The following TXNL4A variants were observed in gnomAD, a reference collection of about 807,000 sequenced individuals.
TXNL4A encodes thioredoxin like 4A.
TXNL4A carries 17 observed loss-of-function variants against 14.6 expected under a neutral mutation model. The ratio of observed to expected loss-of-function variants is 1.16; its 90% CI spans 0.80 to 1.74. The LOEUF (loss-of-function observed/expected upper bound fraction) is 1.74. TXNL4A is among the 40% of genes most tolerant of loss of function. The probability of loss-of-function intolerance (pLI) is 0.00; values close to 1 mark genes in which losing one functional copy is unlikely to be tolerated. For missense variants in TXNL4A, 74 were observed against 195.2 expected, an observed-to-expected ratio of 0.38 and a Z score of 3.70; for synonymous variants, 83 against 70.6, an observed-to-expected ratio of 1.18 and a Z score of -0.88.
At chr18:80,002,369 T>A (rs1306833583) in intron 1 of TXNL4A, among the ~76,000 whole-genome samples, 1 of 152,142 alleles carries the variant, frequency 6.6e-6, no homozygotes, top group Non-Finnish European at 1.5e-5. Flanking sequence ...CCTAGGGTGA[T>A]GGGAAAGCAG....
At chr18:80,015,158 G>A (rs916739113) in intron 1 of TXNL4A, among the ~76,000 whole-genome samples, 42 of 151,970 alleles carry the variant, frequency 2.8e-4, no homozygotes, top group African/African-American at 7.5e-4. Context: ...GACCTATGAC[G>A]TGCCCTGGAG....
At chr18:80,020,335 C>T (rs116907841) in intron 1 of TXNL4A, among the ~76,000 whole-genome samples, 2 of 152,178 alleles carry the variant, frequency 1.3e-5, no homozygotes, top group African/African-American at 4.8e-5. Flanking sequence ...TTTCCAGCAG[C>T]AAAGCTTGAT....
chr18:79,997,352 C>G (rs906340673), intron 1 of TXNL4A, among the ~76,000 whole-genome samples: 1 of 151,842 alleles, frequency 6.6e-6, no homozygotes, highest in Middle Eastern at 3.4e-3. Flanking sequence ...CCTGCACAAG[C>G]CCCTGCAACA....
At chr18:79,986,546 A>G in intron 1 of TXNL4A, 1 of 980,842 alleles carries the variant, frequency 1.0e-6, no homozygotes, top group Non-Finnish European at 1.2e-6. Flanking sequence ...TAACAAAGAA[A>G]TTGGACATAA....
At chr18:79,974,925 G>A (rs1307316047) in intron 2 of TXNL4A, among the ~76,000 whole-genome samples, 2 of 152,184 alleles carry the variant, frequency 1.3e-5, no homozygotes, top group African/African-American at 4.8e-5. Flanking sequence ...ACAAGATCAT[G>A]CATTTGGCTT....
chr18:79,992,085 G>C (rs59428552), upstream of TXNL4A, among the ~76,000 whole-genome samples: 3,045 of 152,302 alleles, frequency 0.02, 90 homozygotes, highest in African/African-American at 0.066. Flanking sequence ...GTGAGTTTCT[G>C]ATCAGCCTTT....
chr18:79,989,471 C>G (rs528460467), upstream of TXNL4A, among the ~76,000 whole-genome samples: 1 of 152,332 alleles, frequency 6.6e-6, no homozygotes, highest in African/African-American at 2.4e-5. Flanking sequence ...ATCTGGCCCC[C>G]TGGCTTCGCT....
At position 79,972,182 on chromosome 18, in the gene TXNL4A, T is replaced by C. The variant is rs2051309536; in HGVS notation, c.*1503A>G. 1.3e-5 allele frequency: 2 copies of C among 152,280 alleles called. No homozygotes were observed. Among genetic ancestry groups the C allele is most frequent in the African/African-American group, 4.8e-5 (2 of 41,474 alleles). 9.4% of individuals were successfully genotyped at this position (152,280 alleles called of 1,614,324 possible). ...ACTCCTGTGCCCGGCAGGCACCACG[T>C]GCTTCTGCGTCCACATCTGTGTGCA... On this transcript the variant is annotated 3_prime_UTR_variant, in exon 3 of 3. Transcript: ENST00000269601.
intron 1 of TXNL4A, among the ~76,000 whole-genome samples, chr18:79,978,261 A>C (rs2051410261): frequency 6.6e-6 from 1 of 152,178 alleles, no homozygotes; most frequent in Non-Finnish European, 1.5e-5. Context: ...GAACCTTTAC[A>C]AATAGTTACA....
chr18:80,003,102 G>A (rs958384387), intron 1 of TXNL4A, among the ~76,000 whole-genome samples: 4 of 152,248 alleles, frequency 2.6e-5, no homozygotes, highest in Non-Finnish European at 4.4e-5. Flanking sequence ...CCAAGCTTAC[G>A]CACTGACTGC....
chr18:79,999,656 A>G (rs940406914), intron 1 of TXNL4A, among the ~76,000 whole-genome samples: 1 of 152,188 alleles, frequency 6.6e-6, no homozygotes, highest in African/African-American at 2.4e-5. Flanking sequence ...CTCATGCCAC[A>G]GCTAAAAGAG....
chr18:80,011,768 A>G lies in TXNL4A; in HGVS notation c.-61+22083T>C, dbSNP rs2145115711. Among the ~76,000 whole-genome samples, 1 of 152,188 alleles carries G rather than the reference A, an allele frequency of 6.6e-6. No individual in the cohort carries two copies. The highest frequency in any genetic ancestry group is 2.4e-5 in the African/African-American group (1 of 41,514). ...CCCACCTTTTCCGTCCCTATAAGTT[A>G]AAGATCTTTTTTTTTTAAGAACTAT... is the stretch of plus-strand genomic sequence containing the variant. On this transcript the variant is annotated intron_variant, in intron 1 of 2. Coordinates refer to the TXNL4A transcript ENST00000585474. This position sits in a 1 kb window ranked among gnomAD's most constrained non-coding sequence, Gnocchi z 4.1.
chr18:80,001,863 T>A (rs776843717), intron 1 of TXNL4A, among the ~76,000 whole-genome samples: 2 of 152,214 alleles, frequency 1.3e-5, no homozygotes, highest in Non-Finnish European at 2.9e-5. Flanking sequence ...GAGTTTGGAC[T>A]GTGAACTTTT....
At chr18:79,974,818 C>T (rs1196473380) in intron 2 of TXNL4A, among the ~76,000 whole-genome samples, 6 of 152,228 alleles carry the variant, frequency 3.9e-5, no homozygotes, top group South Asian at 4.1e-4. Flanking sequence ...TTGCTAAGGC[C>T]GGACTCAAAC....
intron 1 of TXNL4A, among the ~76,000 whole-genome samples, chr18:79,984,519 G>A (rs530201799): frequency 6.6e-6 from 1 of 152,322 alleles, no homozygotes; most frequent in Admixed American, 6.5e-5. Context: ...AGCCAAGATC[G>A]TGCCACTGCA....
At chr18:79,985,970 GA>G (rs1411112175) in intron 1 of TXNL4A, 1 of 151,930 alleles carries the variant, frequency 6.6e-6, no homozygotes, top group Non-Finnish European at 1.5e-5. Context: ...CCAGAATTAG[GA>G]AGTCATATTT....
At chr18:80,031,780 G>C (rs1191145012) in intron 1 of TXNL4A, among the ~76,000 whole-genome samples, 1 of 152,180 alleles carries the variant, frequency 6.6e-6, no homozygotes, top group Non-Finnish European at 1.5e-5. Context: ...GTATATTCCA[G>C]AAAATGAAGA....
At chr18:79,989,824 G>A (rs1236708405), upstream of TXNL4A, among the ~76,000 whole-genome samples, 1 of 152,066 alleles carries the variant, frequency 6.6e-6, no homozygotes, top group Non-Finnish European at 1.5e-5. Flanking sequence ...GTGAAACCCC[G>A]TCTCTACTAA....
chr18:80,032,214 G>T (rs2051926259), intron 1 of TXNL4A, among the ~76,000 whole-genome samples: 1 of 152,010 alleles, frequency 6.6e-6, no homozygotes, highest in African/African-American at 2.4e-5. Flanking sequence ...CGTGACGGAG[G>T]ACTTGAACTT....
Sources: allele counts gnomAD v4.1 joint callset (sites outside exome capture counted in the v4.1 genomes callset), GRCh38; gene constraint gnomAD v4.1.1; non-coding constraint Gnocchi (gnomAD v3.1); transcripts MANE v1.5; gene names NCBI Gene and HGNC (gene_info 2026-07-23, HGNC 2026-07-21).